JAKMIP1: variants seen among roughly 807,000 people sequenced by gnomAD.
JAKMIP1 encodes the protein janus kinase and microtubule-interacting protein 1.
Under a neutral mutation model 113.0 loss-of-function variants are expected in JAKMIP1, and 33 were observed. The observed-to-expected ratio is 0.29, with a 90% CI of 0.22 to 0.39. The LOEUF (loss-of-function observed/expected upper bound fraction) is 0.39, where lower values mean the gene tolerates loss of function less well. Among genes scored for constraint, JAKMIP1 ranks in the 10% least tolerant of loss-of-function variants. JAKMIP1 has a pLI of 1.00. For synonymous variants in JAKMIP1, 480 were observed against 459.9 expected (o/e 1.04, Z -0.56); for missense variants, 813 against 1,080.5 (o/e 0.75, Z 3.47).
At chr4:6,085,159 TG>T (rs1334222520) in intron 4 of JAKMIP1, among the ~76,000 whole-genome samples, 194 bp from the exon 5 acceptor site, 1 of 152,058 alleles carries the variant, frequency 6.6e-6, no homozygotes, top group Non-Finnish European at 1.5e-5. Flanking sequence ...AGACGGCCAC[TG>T]AGACTTCAAA....
intron 1 of JAKMIP1, among the ~76,000 whole-genome samples, chr4:6,163,487 A>T (rs1438580743): frequency 6.6e-6 from 1 of 152,080 alleles, no homozygotes; most frequent in African/African-American, 2.4e-5. Flanking sequence ...TTCTCCCATC[A>T]CTCCCCATGG....
At chr4:6,099,318 G>A (rs1340959287) in intron 3 of JAKMIP1, among the ~76,000 whole-genome samples, 1 of 151,798 alleles carries the variant, frequency 6.6e-6, no homozygotes, top group Non-Finnish European at 1.5e-5. Flanking sequence ...CCCTCTTTTA[G>A]TGCAAACAGA....
chr4:6,035,853 G>C, intron 19 of JAKMIP1, 51 bp downstream of exon 19: 4 of 1,475,132 alleles, frequency 2.7e-6, no homozygotes, highest in Non-Finnish European at 3.6e-6. Flanking sequence ...GGTGCACACA[G>C]GACAACAAGG....
chr4:6,140,210 AC>A lies in JAKMIP1; in HGVS notation c.-147-27214del, dbSNP rs1338589101. 5.3e-5 allele frequency among the ~76,000 whole-genome samples: 8 copies of A among 150,918 alleles called. No homozygotes were observed. Among genetic ancestry groups the A allele is most frequent in the Non-Finnish European group, 8.8e-5 (6 of 67,800 alleles). ...ACAATCAATGTTCACGTGGCTCTCC[AC>A]CCGGACATTTGGGCTGCTCCCTATT... is the stretch of plus-strand genomic sequence containing the variant. On this transcript the variant is annotated intron_variant, in intron 1 of 20. Transcript: ENST00000409021. This position sits in a 1 kb window ranked among gnomAD's most constrained non-coding sequence, Gnocchi z 9.4.
intron 1 of JAKMIP1, among the ~76,000 whole-genome samples, chr4:6,169,071 T>C (rs765160232): frequency 2.0e-5 from 3 of 152,238 alleles, no homozygotes; most frequent in Non-Finnish European, 2.9e-5. Context: ...TGCATAACAC[T>C]GTGAATATAT....
intron 12 of JAKMIP1, among the ~76,000 whole-genome samples, chr4:6,054,980 T>C (rs1331631687): frequency 6.6e-6 from 1 of 152,084 alleles, no homozygotes; most frequent in Non-Finnish European, 1.5e-5. Context: ...CCAAAGATGC[T>C]AAAATTCTCC....
In JAKMIP1 at chr4:6,040,559, C is replaced by T; in HGVS notation, c.2175+80G>A. ...TTGGCACTGGGGAGCGCCCTAAATG[C>T]AGTTTCAGCCCCAGAGGAAAAAGCA... On this transcript the variant is annotated intron_variant, in intron 18 of 20. Transcript: ENST00000409021. This position sits in a 1 kb window ranked among gnomAD's most constrained non-coding sequence, Gnocchi z 5.8. 1 of 988,044 alleles carries T rather than the reference C, an allele frequency of 1.0e-6. No individual in the cohort carries two copies. The highest frequency in any genetic ancestry group is 1.6e-6 in the Non-Finnish European group (1 of 625,260). The allele number at this position is 988,044 out of a possible 1,614,324, so 61.2% of individuals were successfully genotyped here. A position where few individuals can be genotyped will look rare whatever the true frequency, so the allele number is the denominator to read the frequency against.
At position 6,085,432 on chromosome 4, in the gene JAKMIP1, G is replaced by C. The variant is rs768902126; in HGVS notation, c.822C>G (p.Leu274=). ...TGCTGCCCCTCACCTGGACGCCCAT[G>C]AGCTCCACCATGTCCCCGATCCCGG... ...LPPGIGDMVE[L]MGVQDQHMDE... Residue 274 remains leucine (L), a synonymous_variant, in exon 4 of 21, where the codon CTC becomes CTG. Transcript: ENST00000409021. 1.2e-6 allele frequency: 2 copies of C among 1,613,002 alleles called. No individual in the cohort carries two copies. Among genetic ancestry groups the C allele is most frequent in the African/African-American group, 2.7e-5 (2 of 74,932 alleles).
intron 1 of JAKMIP1, among the ~76,000 whole-genome samples, chr4:6,147,434 T>C (rs781456760): frequency 6.6e-6 from 1 of 152,142 alleles, no homozygotes; most frequent in Non-Finnish European, 1.5e-5. Flanking sequence ...AATGGCCTGG[T>C]GAATTAATAG....
At position 6,141,650 on chromosome 4, in the gene JAKMIP1, C is replaced by T. The variant is rs984977220; in HGVS notation, c.-147-28653G>A. 5.9e-5 allele frequency among the ~76,000 whole-genome samples: 9 copies of T among 152,194 alleles called. No individual in the cohort carries two copies. Among genetic ancestry groups the T allele is most frequent in the Non-Finnish European group, 1.2e-4 (8 of 68,040 alleles). ...TCCACTCCCAAATCCACATGATTCT[C>T]CATCTTAACTTGCCGGTAGCTGGCC... On this transcript the variant is annotated intron_variant, in intron 1 of 20. Transcript: ENST00000409021. This position sits in a 1 kb window ranked among gnomAD's most constrained non-coding sequence, Gnocchi z 9.4.
Position 6,059,909 on chromosome 4 carries a change from C to T in JAKMIP1, c.1644+515G>A, listed in dbSNP as rs1280663717. Among the ~76,000 whole-genome samples the T allele has an allele frequency of 6.6e-6, 1 of 152,126 alleles. No homozygotes were observed. Among genetic ancestry groups the T allele is most frequent in the African/African-American group, 2.4e-5 (1 of 41,432 alleles). The stretch of plus-strand genomic sequence containing the variant: ...TCTAGGCCCAGGCATTGCTTTTCTG[C>T]TGTGTCTCACTGTCAACCAGCCTTG... On this transcript the variant is annotated intron_variant, in intron 11 of 20. Coordinates refer to ENST00000409021, the MANE Select transcript of JAKMIP1 (RefSeq NM_001099433.2). This position sits in a 1 kb window ranked among gnomAD's most constrained non-coding sequence, Gnocchi z 4.8.
rs1717615206 is a variant in JAKMIP1 at position 6,126,371 on chromosome 4, G to GCAGAAACACTCA, written c.-147-13375_-147-13374insTGAGTGTTTCTG. Reference sequence around the variant, plus strand: ...ACACACCATGCAGAAACACACACATGCACAAACACACATCATACAGAAACA... The same window carrying GCAGAAACACTCA: ...ACACACCATGCAGAAACACACACATGCAGAAACACTCACACAAACACACATCATACAGAAACA... On this transcript the variant is annotated intron_variant, in intron 1 of 20. Transcript: ENST00000409021. 8.5e-5 allele frequency among the ~76,000 whole-genome samples: 10 copies of GCAGAAACACTCA among 117,548 alleles called. 1 individual carries two copies. Among genetic ancestry groups the GCAGAAACACTCA allele is most frequent in the African/African-American group, 1.8e-4 (5 of 27,828 alleles). The allele number at this position is 117,548 out of a possible 152,430, so 77.1% of individuals were successfully genotyped here.
intron 8 of JAKMIP1, among the ~76,000 whole-genome samples, chr4:6,071,402 C>A (rs539791309): frequency 3.3e-5 from 5 of 152,290 alleles, no homozygotes; most frequent in African/African-American, 9.6e-5. Flanking sequence ...CCTCAAGCCC[C>A]TCCCCACGGG....
In JAKMIP1 at chr4:6,184,715, A is replaced by AT. The variant is rs749563000; in HGVS notation, c.-148+15537dup. On this transcript the variant is annotated intron_variant, in intron 1 of 20. Coordinates refer to ENST00000409021, the MANE Select transcript of JAKMIP1 (RefSeq NM_001099433.2). This position sits in a 1 kb window ranked among gnomAD's most constrained non-coding sequence, Gnocchi z 4.5. ...TTTTAGAAACAGCCAAACAGAATGC[A>AT]TAACTACAGGATAAGTGGAGTGATG... 5.3e-5 allele frequency among the ~76,000 whole-genome samples: 8 copies of AT among 152,210 alleles called. No homozygotes were observed. Among genetic ancestry groups the AT allele is most frequent in the Non-Finnish European group, 1.2e-4 (8 of 68,038 alleles).
chr4:6,026,504 C>T (rs1460652806), intron 20 of JAKMIP1, among the ~76,000 whole-genome samples: 1 of 152,158 alleles, frequency 6.6e-6, no homozygotes, highest in Non-Finnish European at 1.5e-5. Context: ...TCCCGACCCA[C>T]TCTCCAAACA....
At chr4:6,166,895 C>A (rs904141993) in intron 1 of JAKMIP1, among the ~76,000 whole-genome samples, 1 of 152,142 alleles carries the variant, frequency 6.6e-6, no homozygotes, top group Non-Finnish European at 1.5e-5. Flanking sequence ...ATAGCCACCT[C>A]CCCACTCACC....
Position 6,167,368 on chromosome 4 carries a change from C to T in JAKMIP1, c.-148+32885G>A, listed in dbSNP as rs1723767535. Among the ~76,000 whole-genome samples, 2 of 151,348 alleles carry T rather than the reference C, an allele frequency of 1.3e-5. No homozygotes were observed. The highest frequency in any genetic ancestry group is 2.1e-4 in the South Asian group (1 of 4,768). ...GCCTCCTCTGCTCTGGCCTGGACCACTCCAGCCACCTCCTCACTCACCACC... is the reference window on the plus strand; with the variant it reads ...GCCTCCTCTGCTCTGGCCTGGACCATTCCAGCCACCTCCTCACTCACCACC... On this transcript the variant is annotated intron_variant, in intron 1 of 20. Transcript: ENST00000409021. The surrounding 1 kb of genome is among the most constrained non-coding windows in gnomAD (Gnocchi z 5.3).
rs548582336 is a variant in JAKMIP1, at chr4:6,129,056, C to T, written c.-147-16059G>A. Among the ~76,000 whole-genome samples, 1 of 152,310 alleles carries T rather than the reference C, an allele frequency of 6.6e-6. No individual in the cohort carries two copies. The highest frequency in any genetic ancestry group is 2.4e-5 in the African/African-American group (1 of 41,574). On this transcript the variant is annotated intron_variant, in intron 1 of 20. Coordinates refer to ENST00000409021, the MANE Select transcript of JAKMIP1 (RefSeq NM_001099433.2). This position sits in a 1 kb window ranked among gnomAD's most constrained non-coding sequence, Gnocchi z 5.4. ...CCAGTACCAGGCAAGGTGCCTTGCC[C>T]AGAGCAGGTGACAGTACCCCTGGGA...
rs563384387 is a variant in JAKMIP1, at chr4:6,044,680, C to T, written c.2029-2453G>A. Among the ~76,000 whole-genome samples, 7 of 152,310 alleles carry T rather than the reference C, an allele frequency of 4.6e-5. No homozygotes were observed. The highest frequency in any genetic ancestry group is 3.3e-4 in the Admixed American group (5 of 15,298). On this transcript the variant is annotated intron_variant, in intron 16 of 20. Coordinates refer to ENST00000409021, the MANE Select transcript of JAKMIP1 (RefSeq NM_001099433.2). This position sits in a 1 kb window ranked among gnomAD's most constrained non-coding sequence, Gnocchi z 4.4. ...TGATTACAACATGCTGCTCTCAGAA[C>T]GGTTTCTGCAGAACACAGTGTTGAG...
Sources: allele counts gnomAD v4.1 joint callset (sites outside exome capture counted in the v4.1 genomes callset), GRCh38; gene constraint gnomAD v4.1.1; non-coding constraint Gnocchi (gnomAD v3.1); transcripts MANE v1.5; gene names NCBI Gene and HGNC (gene_info 2026-07-23, HGNC 2026-07-21).